The following WDR70 variants were observed in gnomAD, a reference collection of about 807,000 sequenced individuals.
WDR70 encodes WD repeat domain 70, also known as WD repeat-containing protein 70.
In WDR70, 53 loss-of-function variants were observed where a neutral mutation model predicts 88.6. The observed-to-expected ratio is 0.60, with a 90% CI of 0.48 to 0.75. The LOEUF (loss-of-function observed/expected upper bound fraction) is 0.75. Among genes scored for constraint, WDR70 ranks in the 30% least tolerant of loss-of-function variants. The probability of loss-of-function intolerance (pLI) is 0.00; values close to 1 mark genes in which losing one functional copy is unlikely to be tolerated. For missense variants in WDR70, 610 were observed against 823.2 expected (o/e 0.74, Z 3.17); for synonymous variants, 280 against 270.0 (o/e 1.04, Z -0.36).
intron 7 of WDR70, among the ~76,000 whole-genome samples, chr5:37,468,895 G>C (rs1739242926): frequency 6.6e-6 from 1 of 152,176 alleles, no homozygotes; most frequent in Admixed American, 6.5e-5. Context: ...GTGCAAAGGT[G>C]ATGTGCAAAT....
At chr5:37,568,958 G>T (rs1489348033) in intron 9 of WDR70, among the ~76,000 whole-genome samples, 1 of 152,102 alleles carries the variant, frequency 6.6e-6, no homozygotes, top group Non-Finnish European at 1.5e-5. Flanking sequence ...TAACCTACAT[G>T]AGAATAGGTT....
chr5:37,586,485 G>A (rs767553238), intron 9 of WDR70, among the ~76,000 whole-genome samples: 3 of 151,682 alleles, frequency 2.0e-5, no homozygotes, highest in Admixed American at 6.6e-5. Flanking sequence ...AGGTATATAC[G>A]TGCCATGGTG....
intron 10 of WDR70, among the ~76,000 whole-genome samples, chr5:37,640,154 AT>A (rs1368198371): frequency 3.3e-5 from 5 of 152,108 alleles, no homozygotes; most frequent in Non-Finnish European, 5.9e-5. Flanking sequence ...TATATTTTAA[AT>A]TTTTTTTATA....
intron 5 of WDR70, among the ~76,000 whole-genome samples, chr5:37,400,043 C>T (rs1380250931): frequency 6.6e-6 from 1 of 152,172 alleles, no homozygotes; most frequent in Non-Finnish European, 1.5e-5. Context: ...AGTGATTCTC[C>T]TGCCTCAGCT....
At chr5:37,692,325 A>C (rs955761948) in intron 10 of WDR70, among the ~76,000 whole-genome samples, 2 of 152,160 alleles carry the variant, frequency 1.3e-5, no homozygotes, top group African/African-American at 2.4e-5. Flanking sequence ...TGGAACTATT[A>C]CAATCAATGG....
chr5:37,630,443 C>T (rs1379405672), intron 10 of WDR70, among the ~76,000 whole-genome samples: 1 of 152,110 alleles, frequency 6.6e-6, no homozygotes, highest in Non-Finnish European at 1.5e-5. Context: ...GAAGAGGGCA[C>T]TGTGTTTCTG....
intron 7 of WDR70, among the ~76,000 whole-genome samples, chr5:37,477,754 C>T (rs994050309): frequency 9.2e-5 from 14 of 152,118 alleles, no homozygotes; most frequent in African/African-American, 3.4e-4. Context: ...AGGAGATATT[C>T]TCCTCATCTC....
intron 10 of WDR70, among the ~76,000 whole-genome samples, chr5:37,638,677 A>G (rs1411132692): frequency 6.6e-6 from 1 of 152,166 alleles, no homozygotes; most frequent in Non-Finnish European, 1.5e-5. Flanking sequence ...CCTCTCTAGT[A>G]TGTATTTTAT....
At chr5:37,716,573 G>A (rs540942132) in intron 13 of WDR70, among the ~76,000 whole-genome samples, 21 of 152,240 alleles carry the variant, frequency 1.4e-4, no homozygotes, top group Admixed American at 9.8e-4. Context: ...CTCTATGTGC[G>A]AGTTATTATG....
intron 7 of WDR70, among the ~76,000 whole-genome samples, chr5:37,466,388 C>G (rs1739149518): frequency 6.6e-6 from 1 of 152,242 alleles, no homozygotes; most frequent in Non-Finnish European, 1.5e-5. Flanking sequence ...TAGCCACTAG[C>G]CACATGTGGT....
At chr5:37,461,532 G>A (rs1581302705) in intron 7 of WDR70, among the ~76,000 whole-genome samples, 1 of 151,966 alleles carries the variant, frequency 6.6e-6, no homozygotes, top group African/African-American at 2.4e-5. Flanking sequence ...TGCCCAGGCT[G>A]GAGTGCAGTG....
intron 13 of WDR70, among the ~76,000 whole-genome samples, chr5:37,713,457 C>G: frequency 6.6e-6 from 1 of 152,008 alleles, no homozygotes. Flanking sequence ...TTCCCCTTCT[C>G]TACACAAAAG....
intron 10 of WDR70, among the ~76,000 whole-genome samples, chr5:37,665,686 A>G (rs916707810): frequency 6.6e-6 from 1 of 152,216 alleles, no homozygotes; most frequent in Non-Finnish European, 1.5e-5. Context: ...TATTTTCTGC[A>G]GCAATTGGGT....
intron 5 of WDR70, among the ~76,000 whole-genome samples, chr5:37,412,247 C>T (rs894475950): frequency 2.6e-5 from 4 of 151,848 alleles, no homozygotes; most frequent in Non-Finnish European, 4.4e-5. Context: ...ATTATCTGGG[C>T]GTGGTGGAGC....
chr5:37,425,268 GATAAAT>G (rs909887457), intron 5 of WDR70, among the ~76,000 whole-genome samples: 6 of 152,100 alleles, frequency 3.9e-5, no homozygotes, highest in African/African-American at 1.2e-4. Context: ...CAACAAAGAA[GATAAAT>G]ATAAACAATA....
At chr5:37,514,339 C>CATATATATATATATATATATATATAT (rs70978826) in intron 8 of WDR70, among the ~76,000 whole-genome samples, 780 of 28,550 alleles carry the variant, frequency 0.027, 207 homozygotes, top group Non-Finnish European at 0.07. Context: ...TTTAGAACTA[C>CATATATATATATATATATATATATAT]ATATATATAT....
intron 10 of WDR70, among the ~76,000 whole-genome samples, chr5:37,630,678 C>T (rs1744788257): frequency 6.6e-6 from 1 of 152,094 alleles, no homozygotes. Context: ...AATCCTGGGC[C>T]CATACTCTGC....
At position 37,435,724 on chromosome 5, in the gene WDR70, C is replaced by T. The variant is rs560530672; in HGVS notation, c.493-2198C>T. ...TTAGTTATCTCTTGCCTCTCACTTA[C>T]CAGGCTGGCCTGATGTGATAGCACC... On this transcript the variant is annotated intron_variant, in intron 5 of 17. Coordinates refer to ENST00000265107, the MANE Select transcript of WDR70 (RefSeq NM_018034.4). 2.0e-5 allele frequency among the ~76,000 whole-genome samples: 3 copies of T among 152,290 alleles called. No homozygotes were observed. In the South Asian group the frequency reaches 6.2e-4, roughly 32 times the overall value.
intron 13 of WDR70, 84 bp downstream of exon 13, chr5:37,703,171 A>G (rs1300349428): frequency 1.3e-6 from 2 of 1,530,562 alleles, no homozygotes; most frequent in South Asian, 1.2e-5. Context: ...GTTAAGTAGA[A>G]TATAAGCCCT....
Sources: allele counts gnomAD v4.1 joint callset (sites outside exome capture counted in the v4.1 genomes callset), GRCh38; gene constraint gnomAD v4.1.1; transcripts MANE v1.5; gene names NCBI Gene and HGNC (gene_info 2026-07-23, HGNC 2026-07-21).